FRYL: variants seen among roughly 807,000 people sequenced by gnomAD.
FRYL encodes protein furry homolog-like.
FRYL carries 150 observed loss-of-function variants against 351.2 expected under a neutral mutation model. The observed-to-expected ratio is 0.43, with a 90% CI of 0.37 to 0.49. The LOEUF (loss-of-function observed/expected upper bound fraction) is 0.49. FRYL is among the 20% of genes least tolerant of loss of function. The pLI is 0.00. For synonymous variants in FRYL, 1,153 were observed against 1,257.1 expected (o/e 0.92, Z 1.75); for missense variants, 3,036 against 3,619.3 (o/e 0.84, Z 4.13).
intron 25 of FRYL, among the ~76,000 whole-genome samples, chr4:48,574,053 C>A (rs1343615460): frequency 6.6e-6 from 1 of 151,724 alleles, no homozygotes; most frequent in Non-Finnish European, 1.5e-5. Context: ...CGTTTCTATC[C>A]CCTTAGGATT....
intron 3 of FRYL, among the ~76,000 whole-genome samples, chr4:48,660,589 A>AT (rs1226856524): frequency 6.6e-6 from 1 of 152,216 alleles, no homozygotes; most frequent in East Asian, 1.9e-4. Context: ...GGTTGGCACC[A>AT]TTTCACCTGT....
chr4:48,769,546 C>T (rs1775307815), intron 1 of FRYL, among the ~76,000 whole-genome samples: 1 of 152,128 alleles, frequency 6.6e-6, no homozygotes, highest in Non-Finnish European at 1.5e-5. Context: ...TAAAACTAAA[C>T]ATACACTTAC....
At chr4:48,611,211 C>CTAG (rs1393441279) in intron 7 of FRYL, among the ~76,000 whole-genome samples, 105 of 152,144 alleles carry the variant, frequency 6.9e-4, no homozygotes, top group Middle Eastern at 3.4e-3. Flanking sequence ...CACTTTAAAT[C>CTAG]ATCTCTATCT....
chr4:48,716,341 C>A (rs1273670392), intron 1 of FRYL, among the ~76,000 whole-genome samples: 6 of 151,296 alleles, frequency 4.0e-5, no homozygotes, highest in Non-Finnish European at 8.8e-5. Context: ...AACAGGCAAC[C>A]CACAAAATGG....
chr4:48,527,302 C>G (rs1192371376), intron 53 of FRYL, among the ~76,000 whole-genome samples, 175 bp downstream of exon 53: 2 of 152,046 alleles, frequency 1.3e-5, no homozygotes, highest in African/African-American at 2.4e-5. Context: ...GAATGTTTCT[C>G]TTTTATCTCA....
chr4:48,776,152 C>CT (rs1257854116), intron 1 of FRYL, among the ~76,000 whole-genome samples: 141 of 140,700 alleles, frequency 1.0e-3, no homozygotes, highest in African/African-American at 1.9e-3. Context: ...CTTTTCGTTT[C>CT]TTTTTTTTTT....
At chr4:48,622,743 A>T (rs1447219331) in intron 5 of FRYL, among the ~76,000 whole-genome samples, 1 of 152,146 alleles carries the variant, frequency 6.6e-6, no homozygotes, top group Non-Finnish European at 1.5e-5. Context: ...AGATCAGCAC[A>T]AGAGTTGTTA....
intron 1 of FRYL, among the ~76,000 whole-genome samples, chr4:48,762,531 T>A (rs1345778471): frequency 6.6e-6 from 1 of 152,180 alleles, no homozygotes; most frequent in Non-Finnish European, 1.5e-5. Flanking sequence ...GGGGAGGGTA[T>A]GTGACAGATG....
At chr4:48,550,740 CGGT>C (rs1732523567) in intron 37 of FRYL, 36 bp from the exon 38 acceptor site, 1 of 1,319,462 alleles carries the variant, frequency 7.6e-7, no homozygotes, top group Admixed American at 1.7e-5. Flanking sequence ...TCACAGTTCA[CGGT>C]GCAATGGTAT....
In FRYL at chr4:48,498,684, A is replaced by G. The variant is rs1308859045; in HGVS notation, c.*738T>C. 2.6e-5 allele frequency: 4 copies of G among 152,606 alleles called. No homozygotes were observed. In the East Asian group the frequency reaches 5.8e-4, roughly 22 times the overall value. 9.5% of individuals were successfully genotyped at this position (152,606 alleles called of 1,614,324 possible). A position where few individuals can be genotyped will look rare whatever the true frequency, so the allele number is the denominator to read the frequency against. ...ATTATTAAAATGTTCTAACATTTAC[A>G]TACTATGAAGAGTTAGATCTAATAA... is the stretch of plus-strand genomic sequence containing the variant. On this transcript the variant is annotated 3_prime_UTR_variant, in exon 64 of 64. Transcript: ENST00000358350.
intron 11 of FRYL, among the ~76,000 whole-genome samples, chr4:48,603,909 T>C (rs995997800): frequency 2.0e-5 from 3 of 152,096 alleles, no homozygotes; most frequent in African/African-American, 7.2e-5. Flanking sequence ...ACACAGGAAG[T>C]CTTACTGTCT....
Position 48,620,683 on chromosome 4 carries a change from A to G in FRYL, c.270T>C (p.Asp90=). 1.2e-6 allele frequency: 2 copies of G among 1,613,954 alleles called. No homozygotes were observed. The highest frequency in any genetic ancestry group is 2.7e-5 in the African/African-American group (2 of 75,030). The change falls in exon 6 of 64, where the codon GAT becomes GAC. Residue 90 remains aspartate (D), a synonymous_variant. Transcript: ENST00000358350. ...ACCGAGGCCTATATTCATAAGATTC[A>G]TCTTCCGTTCCATTTTGGCGTCTGT... ...DWYRRQNGTE[D]ESYEYRPRSS...
chr4:48,612,497 C>CATGTGT (rs1553949864), intron 7 of FRYL, among the ~76,000 whole-genome samples: 2 of 150,078 alleles, frequency 1.3e-5, no homozygotes, highest in South Asian at 4.3e-4. Context: ...TGTGTGTGCA[C>CATGTGT]GTGTGTGTGT....
chr4:48,733,669 A>G (rs1770983961), intron 1 of FRYL, among the ~76,000 whole-genome samples: 1 of 152,278 alleles, frequency 6.6e-6, no homozygotes, highest in Admixed American at 6.5e-5. Context: ...ATATACATAT[A>G]TATGTGCATG....
intron 41 of FRYL, 36 bp from the exon 42 acceptor site, chr4:48,546,307 T>C (rs771347223): frequency 1.3e-6 from 2 of 1,482,608 alleles, no homozygotes; most frequent in African/African-American, 1.4e-5. Context: ...ACCTAAAACA[T>C]GAAAGAATCT....
intron 17 of FRYL, among the ~76,000 whole-genome samples, chr4:48,590,152 T>C (rs1742936809): frequency 6.6e-6 from 1 of 152,124 alleles, no homozygotes; most frequent in African/African-American, 2.4e-5. Context: ...ACTGGAAAAC[T>C]CTTAACATGA....
intron 19 of FRYL, among the ~76,000 whole-genome samples, chr4:48,583,099 G>A (rs17656212): frequency 3.0e-4 from 46 of 151,068 alleles, no homozygotes; most frequent in African/African-American, 1.0e-3. Flanking sequence ...TAGCACTATC[G>A]TCACATTTAT....
At chr4:48,594,968 A>C (rs1183374422) in intron 15 of FRYL, among the ~76,000 whole-genome samples, 2 of 152,166 alleles carry the variant, frequency 1.3e-5, no homozygotes, top group Non-Finnish European at 2.9e-5. Flanking sequence ...TTGAGGATAT[A>C]ATTTAAACCC....
chr4:48,611,528 C>T (rs1310517454), intron 7 of FRYL, among the ~76,000 whole-genome samples: 2 of 151,798 alleles, frequency 1.3e-5, no homozygotes, highest in Admixed American at 6.6e-5. Flanking sequence ...ATCATACCAT[C>T]TTTTTAATTA....
Sources: gnomAD v4.1 joint callset for allele counts (sites outside exome capture counted in the v4.1 genomes callset) on GRCh38, gnomAD v4.1.1 for gene constraint, MANE v1.5 for transcripts, NCBI Gene and HGNC (gene_info 2026-07-23, HGNC 2026-07-21) for gene names.